SEC11A: variants seen among roughly 807,000 people sequenced by gnomAD.
SEC11A encodes SEC11 homolog A, signal peptidase complex subunit, also known as signal peptidase complex catalytic subunit SEC11A.
SEC11A carries 14 observed loss-of-function variants against 25.6 expected under a neutral mutation model. The ratio of observed to expected loss-of-function variants is 0.55; its 90% CI spans 0.36 to 0.85. The LOEUF (loss-of-function observed/expected upper bound fraction) is 0.85, where lower values mean the gene tolerates loss of function less well. SEC11A is among the 40% of genes least tolerant of loss of function. The pLI is 0.01. For missense variants in SEC11A, 153 were observed against 222.9 expected (o/e 0.69, Z 2.00); for synonymous variants, 83 against 76.4 (o/e 1.09, Z -0.45).
chr15:84,675,291 GA>G lies in SEC11A; in HGVS notation c.432-4510del, dbSNP rs1027945047. On this transcript the variant is annotated intron_variant, in intron 4 of 5. Coordinates refer to ENST00000268220, the MANE Select transcript of SEC11A (RefSeq NM_014300.4). ...AATACATTTCCGTGGGAATTCTTGGGATCAAAGGTACTGCTGAGGAAGTAGC... is the reference window on the plus strand; with the variant it reads ...AATACATTTCCGTGGGAATTCTTGGGTCAAAGGTACTGCTGAGGAAGTAGC... Among the ~76,000 whole-genome samples, 53 of 152,252 alleles carry G rather than the reference GA, an allele frequency of 3.5e-4. 2 individuals are homozygous for G. Among genetic ancestry groups the G allele is most frequent in the Middle Eastern group, 3.4e-3 (1 of 294 alleles).
intron 2 of SEC11A, among the ~76,000 whole-genome samples, chr15:84,689,368 T>C (rs971880683): frequency 6.6e-6 from 1 of 152,186 alleles, no homozygotes; most frequent in South Asian, 2.1e-4. Context: ...TTGATCAAGT[T>C]GTATACATTA....
At chr15:84,675,382 T>C (rs1596067913) in intron 4 of SEC11A, among the ~76,000 whole-genome samples, 2 of 151,900 alleles carry the variant, frequency 1.3e-5, no homozygotes, top group East Asian at 1.9e-4. Flanking sequence ...AAACAAACAG[T>C]AAAGAAAAGA....
At chr15:84,703,281 G>A (rs1381427313) in intron 1 of SEC11A, among the ~76,000 whole-genome samples, 6 of 152,122 alleles carry the variant, frequency 3.9e-5, no homozygotes, top group South Asian at 4.1e-4. Context: ...GATTCACCAA[G>A]CCAAAAAATA....
chr15:84,694,452 T>C (rs181870281), intron 1 of SEC11A, among the ~76,000 whole-genome samples: 26 of 152,270 alleles, frequency 1.7e-4, no homozygotes, highest in African/African-American at 5.8e-4. Flanking sequence ...ATCTACATTT[T>C]CTACTTCCCT....
intron 1 of SEC11A, among the ~76,000 whole-genome samples, chr15:84,702,510 G>A (rs1897978277): frequency 6.6e-6 from 1 of 151,478 alleles, no homozygotes; most frequent in African/African-American, 2.4e-5. Context: ...TTGCTATGTT[G>A]CCCAGGCTGG....
At position 84,707,792 on chromosome 15, in the gene SEC11A, TA is replaced by T. The variant is rs200527873; in HGVS notation, c.51+8232del. Reference sequence around the variant, plus strand: ...TACGTCATTTGTGGAGAGAATGTTATAAAAAAAATAACAGATGTAAAATATC... The same window carrying T: ...TACGTCATTTGTGGAGAGAATGTTATAAAAAAATAACAGATGTAAAATATC... On this transcript the variant is annotated intron_variant, in intron 1 of 5. Transcript: ENST00000268220. 1.2e-3 allele frequency among the ~76,000 whole-genome samples: 182 copies of T among 151,996 alleles called. 1 individual carries two copies. In the East Asian group the frequency reaches 0.026, roughly 22 times the overall value.
At chr15:84,694,758 T>A (rs1300144519) in intron 1 of SEC11A, among the ~76,000 whole-genome samples, 1 of 150,294 alleles carries the variant, frequency 6.7e-6, no homozygotes, top group Non-Finnish European at 1.5e-5. Flanking sequence ...AGCCTAGGAG[T>A]TCGAGACCAG....
chr15:84,690,910 AT>A (rs569948500), intron 2 of SEC11A, among the ~76,000 whole-genome samples: 2 of 152,208 alleles, frequency 1.3e-5, no homozygotes, highest in African/African-American at 2.4e-5. Flanking sequence ...AATGAGGAAT[AT>A]AAAAAGACAG....
chr15:84,715,562 T>C (rs1422023057), intron 1 of SEC11A, among the ~76,000 whole-genome samples: 5 of 152,096 alleles, frequency 3.3e-5, no homozygotes, highest in Non-Finnish European at 5.9e-5. Context: ...TACTAAAGGG[T>C]TGCAAGGAGC....
intron 4 of SEC11A, among the ~76,000 whole-genome samples, chr15:84,677,082 C>T (rs969912356): frequency 6.6e-5 from 10 of 151,722 alleles, no homozygotes; most frequent in Non-Finnish European, 1.5e-4. Context: ...TAGAGTGAGA[C>T]TCTGTCTCAA....
At chr15:84,680,232 C>T (rs569157309) in intron 4 of SEC11A, among the ~76,000 whole-genome samples, 39 of 150,640 alleles carry the variant, frequency 2.6e-4, no homozygotes, top group African/African-American at 8.1e-4. Flanking sequence ...ACTCAGGAGG[C>T]GGAGGCTGCA....
In SEC11A at chr15:84,680,836, AAAAG is replaced by A. The variant is rs1596070883; in HGVS notation, c.312-8_312-5del. On this transcript the variant is annotated splice_polypyrimidine_tract_variant and splice_region_variant and intron_variant, in intron 3 of 5. Transcript: ENST00000268220. ...AAACTTGATATGCCCATTTTGCCTT[AAAAG>A]AGTAAAGGAAACCCAAGTCATCAAA... 2 of 1,604,572 alleles carry A rather than the reference AAAAG, an allele frequency of 1.2e-6. No individual in the cohort carries two copies. The highest frequency in any genetic ancestry group is 2.2e-5 in the South Asian group (2 of 89,934).
intron 3 of SEC11A, among the ~76,000 whole-genome samples, chr15:84,685,634 C>G (rs770502417): frequency 3.3e-5 from 5 of 151,980 alleles, no homozygotes; most frequent in Non-Finnish European, 7.4e-5. Flanking sequence ...CCAGCTTAAA[C>G]AAGGCCTGAG....
intron 3 of SEC11A, among the ~76,000 whole-genome samples, chr15:84,681,347 C>T (rs948738617): frequency 2.6e-5 from 4 of 152,008 alleles, no homozygotes; most frequent in African/African-American, 4.8e-5. Context: ...AAACAAGAGA[C>T]GGCCAGGCGC....
intron 1 of SEC11A, among the ~76,000 whole-genome samples, chr15:84,699,657 G>C (rs539586010): frequency 1.3e-5 from 2 of 152,236 alleles, no homozygotes; most frequent in East Asian, 3.9e-4. Flanking sequence ...AGGCACGGTG[G>C]CTCATGCCTG....
intron 1 of SEC11A, among the ~76,000 whole-genome samples, chr15:84,713,956 AT>A (rs1898372300): frequency 6.6e-6 from 1 of 150,962 alleles, no homozygotes; most frequent in South Asian, 2.1e-4. Flanking sequence ...ATCCTTCTTT[AT>A]CCAAGTGTTC....
chr15:84,693,321 G>A (rs1897664632), intron 1 of SEC11A, among the ~76,000 whole-genome samples: 1 of 149,966 alleles, frequency 6.7e-6, no homozygotes, highest in South Asian at 2.1e-4. Flanking sequence ...TTCTAATAAT[G>A]CACAAACTTT....
chr15:84,696,010 T>G (rs1171710018), intron 1 of SEC11A, among the ~76,000 whole-genome samples: 1 of 152,232 alleles, frequency 6.6e-6, no homozygotes, highest in Non-Finnish European at 1.5e-5. Context: ...CTTCTAGCAT[T>G]CCAATGAAGC....
chr15:84,676,592 G>A (rs1025500189), intron 4 of SEC11A, among the ~76,000 whole-genome samples: 9 of 151,310 alleles, frequency 5.9e-5, no homozygotes, highest in African/African-American at 2.2e-4. Context: ...GGCTAACATG[G>A]TGAAACCCTG....
Sources: gnomAD v4.1 joint callset for allele counts (sites outside exome capture counted in the v4.1 genomes callset) on GRCh38, gnomAD v4.1.1 for gene constraint, MANE v1.5 for transcripts, NCBI Gene and HGNC (gene_info 2026-07-23, HGNC 2026-07-21) for gene names.